Variants in SLC39A11 observed in about 807,000 individuals in gnomAD.
SLC39A11 encodes the protein zinc transporter ZIP11.
Under a neutral mutation model 36.1 loss-of-function variants are expected in SLC39A11, and 33 were observed. The observed-to-expected ratio is 0.91, with a 90% CI of 0.69 to 1.22. The LOEUF is 1.22. Among genes scored for constraint, SLC39A11 ranks in the 50% most tolerant of loss-of-function variants. The pLI is 0.00. For synonymous variants in SLC39A11, 166 were observed against 170.3 expected (o/e 0.97, Z 0.20); for missense variants, 432 against 430.3 (o/e 1.00, Z -0.03).
chr17:72,689,292 A>G (rs1046415181), intron 7 of SLC39A11, among the ~76,000 whole-genome samples: 1 of 152,246 alleles, frequency 6.6e-6, no homozygotes, highest in African/African-American at 2.4e-5. Context: ...TTTCTAAGAA[A>G]TTAACCAGCC....
intron 6 of SLC39A11, among the ~76,000 whole-genome samples, chr17:72,768,989 T>A (rs2075841994): frequency 1.3e-5 from 2 of 152,182 alleles, no homozygotes; most frequent in Admixed American, 1.3e-4. Flanking sequence ...CTCAATCTCC[T>A]GACCTCATGA....
intron 6 of SLC39A11, 53 bp from the exon 7 acceptor site, chr17:72,736,772 A>G (rs905181443): frequency 2.4e-5 from 33 of 1,383,366 alleles, no homozygotes; most frequent in Non-Finnish European, 3.2e-5. Context: ...CCCCATAAGG[A>G]ACATCACCAT....
intron 7 of SLC39A11, among the ~76,000 whole-genome samples, chr17:72,715,161 C>T (rs574748642): frequency 4.6e-5 from 7 of 152,306 alleles, no homozygotes; most frequent in South Asian, 2.1e-4. Flanking sequence ...CGGGAGCCCG[C>T]GAGAGGCTCT....
chr17:72,769,867 C>T (rs2075875874), intron 6 of SLC39A11, among the ~76,000 whole-genome samples: 1 of 152,132 alleles, frequency 6.6e-6, no homozygotes, highest in African/African-American at 2.4e-5. Flanking sequence ...TTTGGAAAGG[C>T]CAATCAGAAA....
At chr17:72,885,135 T>C (rs1002877764) in intron 5 of SLC39A11, among the ~76,000 whole-genome samples, 2 of 152,222 alleles carry the variant, frequency 1.3e-5, no homozygotes, top group Admixed American at 1.3e-4. Flanking sequence ...GAAGATTTCC[T>C]GTGGACTAGG....
At chr17:72,717,040 A>ATG (rs1567979088) in intron 7 of SLC39A11, among the ~76,000 whole-genome samples, 32 of 146,960 alleles carry the variant, frequency 2.2e-4, no homozygotes, top group African/African-American at 7.6e-4. Flanking sequence ...CACATATAAA[A>ATG]TATATATACA....
intron 5 of SLC39A11, among the ~76,000 whole-genome samples, chr17:72,945,126 C>T (rs899082474): frequency 6.6e-6 from 1 of 152,092 alleles, no homozygotes; most frequent in Non-Finnish European, 1.5e-5. Context: ...TTCTTCTGGC[C>T]TACCTAAGTC....
intron 7 of SLC39A11, among the ~76,000 whole-genome samples, chr17:72,657,459 A>T (rs2070184534): frequency 1.3e-5 from 2 of 152,274 alleles, no homozygotes; most frequent in Non-Finnish European, 2.9e-5. Context: ...GGAAGACTAC[A>T]GAAGATCACT....
At chr17:72,668,527 T>A (rs1406955568) in intron 7 of SLC39A11, among the ~76,000 whole-genome samples, 1 of 152,170 alleles carries the variant, frequency 6.6e-6, no homozygotes, top group Non-Finnish European at 1.5e-5. Flanking sequence ...GTTTTGACTT[T>A]GCAAACAGCA....
intron 4 of SLC39A11, among the ~76,000 whole-genome samples, chr17:72,968,342 G>A (rs1223687229): frequency 6.6e-6 from 1 of 152,188 alleles, no homozygotes; most frequent in East Asian, 1.9e-4. Flanking sequence ...CAGCAAAGTA[G>A]CTGCATGACG....
chr17:72,710,500 C>T (rs1047283732), intron 7 of SLC39A11, among the ~76,000 whole-genome samples: 4 of 152,082 alleles, frequency 2.6e-5, no homozygotes, highest in Non-Finnish European at 4.4e-5. Flanking sequence ...CTTTTTTGCC[C>T]TCTTGCCATA....
At chr17:72,800,963 T>C (rs756106589) in intron 6 of SLC39A11, among the ~76,000 whole-genome samples, 17 of 152,194 alleles carry the variant, frequency 1.1e-4, no homozygotes, top group Non-Finnish European at 2.1e-4. Flanking sequence ...CAATGGAATA[T>C]TAATTGGCAA....
intron 3 of SLC39A11, among the ~76,000 whole-genome samples, chr17:73,055,625 G>A (rs1344601773): frequency 6.6e-6 from 1 of 151,768 alleles, no homozygotes; most frequent in Non-Finnish European, 1.5e-5. Context: ...ATGAGGGAAG[G>A]CGGGTAGGGG....
At chr17:72,847,344 G>C (rs1465395272) in intron 6 of SLC39A11, among the ~76,000 whole-genome samples, 1 of 151,418 alleles carries the variant, frequency 6.6e-6, no homozygotes, top group Non-Finnish European at 1.5e-5. Context: ...GGAGATTGAA[G>C]TGAGCTGAGA....
At chr17:72,936,285 T>C (rs2084747492) in intron 5 of SLC39A11, among the ~76,000 whole-genome samples, 1 of 151,852 alleles carries the variant, frequency 6.6e-6, no homozygotes, top group Non-Finnish European at 1.5e-5. Context: ...AAGTTGCACA[T>C]TTTCCGAGAT....
intron 6 of SLC39A11, among the ~76,000 whole-genome samples, chr17:72,770,152 ATC>A (rs1370677070): frequency 6.6e-6 from 1 of 152,184 alleles, no homozygotes; most frequent in African/African-American, 2.4e-5. Context: ...ATTAACTGAG[ATC>A]TGTCTCAGAT....
At chr17:73,049,237 G>A (rs2059417629) in intron 3 of SLC39A11, among the ~76,000 whole-genome samples, 1 of 152,170 alleles carries the variant, frequency 6.6e-6, no homozygotes. Context: ...ACTCCAAGAG[G>A]GTCCAGAGAG....
chr17:73,091,156 A>T (rs1291092722), intron 1 of SLC39A11, among the ~76,000 whole-genome samples: 2 of 152,184 alleles, frequency 1.3e-5, no homozygotes, highest in Non-Finnish European at 2.9e-5. Context: ...GGCCAGGCGC[A>T]GTGGCTCATG....
chr17:73,031,723 A>T lies in SLC39A11; in HGVS notation c.148-9T>A. The T allele has an allele frequency of 6.2e-7, 1 of 1,612,616 alleles. No homozygotes were observed. The highest frequency in any genetic ancestry group is 8.5e-7 in the Non-Finnish European group (1 of 1,179,702). ...GAAGCTGCCAACATGACCTACAAAA[A>T]CCACAACGAGAGATAAACGTTAAAG... On this transcript the variant is annotated splice_polypyrimidine_tract_variant and intron_variant, in intron 3 of 9. Coordinates refer to ENST00000255559, the MANE Select transcript of SLC39A11 (RefSeq NM_139177.4).
Sources: gnomAD v4.1 joint callset for allele counts (sites outside exome capture counted in the v4.1 genomes callset) on GRCh38, gnomAD v4.1.1 for gene constraint, MANE v1.5 for transcripts, NCBI Gene and HGNC (gene_info 2026-07-23, HGNC 2026-07-21) for gene names.